USP32: variants seen among roughly 807,000 people sequenced by gnomAD.
USP32 encodes ubiquitin carboxyl-terminal hydrolase 32.
USP32 carries 59 observed loss-of-function variants against 204.8 expected under a neutral mutation model. The ratio of observed to expected loss-of-function variants is 0.29; its 90% CI spans 0.23 to 0.36. The LOEUF (loss-of-function observed/expected upper bound fraction) is 0.36. Ranked by LOEUF, USP32 falls within the 10% of genes least tolerant of loss-of-function variation. The pLI, the probability that USP32 is intolerant of heterozygous loss-of-function variation, is 1.00. For missense variants in USP32, 1,160 were observed against 1,946.4 expected (o/e 0.60, Z 7.60); for synonymous variants, 517 against 678.4 (o/e 0.76, Z 3.70).
In USP32 at chr17:60,236,144, G is replaced by T; in HGVS notation, c.1233C>A (p.Val411=). 1 of 1,613,218 alleles carries T rather than the reference G, an allele frequency of 6.2e-7. No individual in the cohort carries two copies. The highest frequency in any genetic ancestry group is 1.1e-5 in the South Asian group (1 of 91,016). ...AGACAGGAATCTAACTCACGTATTTGACATATTCTTTCCACTGTTGCCACC... is the reference window on the plus strand; with the variant it reads ...AGACAGGAATCTAACTCACGTATTTTACATATTCTTTCCACTGTTGCCACC... ...MQWWQQWKEY[V]KYDANPVVIE... Residue 411 remains valine, a synonymous_variant, in exon 12 of 34, where the codon GTC becomes GTA. Coordinates refer to ENST00000300896, the MANE Select transcript of USP32 (RefSeq NM_032582.4).
At chr17:60,296,494 G>C (rs2087433333) in intron 3 of USP32, among the ~76,000 whole-genome samples, 1 of 152,126 alleles carries the variant, frequency 6.6e-6, no homozygotes, top group Non-Finnish European at 1.5e-5. Context: ...AGAGAAGAAA[G>C]AATTTTCCCC....
At chr17:60,337,816 G>T (rs1200807182) in intron 2 of USP32, among the ~76,000 whole-genome samples, 2 of 152,104 alleles carry the variant, frequency 1.3e-5, no homozygotes, top group African/African-American at 4.8e-5. Context: ...GGGAGGTCGA[G>T]GCTACAATGA....
intron 1 of USP32, chr17:60,421,617 G>A (rs979737309): frequency 2.0e-6 from 2 of 978,434 alleles, no homozygotes; most frequent in Non-Finnish European, 2.4e-6. Context: ...TCTCGTCGCC[G>A]GGACCCCGCC....
chr17:60,270,047 GAGAA>G (rs1366334682), intron 6 of USP32, among the ~76,000 whole-genome samples: 1 of 152,102 alleles, frequency 6.6e-6, no homozygotes, highest in African/African-American at 2.4e-5. Flanking sequence ...TGCAACATAA[GAGAA>G]AGAAATTCTC....
chr17:60,343,478 G>C (rs2088709231), intron 2 of USP32, among the ~76,000 whole-genome samples: 1 of 152,158 alleles, frequency 6.6e-6, no homozygotes, highest in African/African-American at 2.4e-5. Flanking sequence ...AATCAAATTA[G>C]AACTCAGGAT....
intron 2 of USP32, among the ~76,000 whole-genome samples, chr17:60,302,744 C>T (rs1196258056): frequency 1.3e-5 from 2 of 152,044 alleles, no homozygotes; most frequent in Non-Finnish European, 2.9e-5. Context: ...ACGCACATTA[C>T]TTTGATTGGA....
At chr17:60,256,668 T>C (rs2086314862) in intron 9 of USP32, 2 of 1,082,548 alleles carry the variant, frequency 1.8e-6, no homozygotes, top group South Asian at 2.8e-5. Context: ...TGTCCCACTG[T>C]AGTGTGGTAT....
At chr17:60,208,257 GAA>G (rs776217851) in intron 23 of USP32, 47 bp from the exon 24 acceptor site, 4 of 1,540,886 alleles carry the variant, frequency 2.6e-6, no homozygotes, top group Non-Finnish European at 3.5e-6. Context: ...AGGTTTCATT[GAA>G]AGTCTTAAAT....
chr17:60,310,924 C>G (rs1260659146), intron 2 of USP32, among the ~76,000 whole-genome samples: 1 of 151,898 alleles, frequency 6.6e-6, no homozygotes, highest in African/African-American at 2.4e-5. Flanking sequence ...CATGTTCTCA[C>G]TCATATGTAG....
At chr17:60,274,478 G>A (rs1187137505) in intron 5 of USP32, among the ~76,000 whole-genome samples, 1 of 152,050 alleles carries the variant, frequency 6.6e-6, no homozygotes, top group Non-Finnish European at 1.5e-5. Context: ...ACCCTAACAA[G>A]GCAAGTCATA....
At position 60,185,863 on chromosome 17, in the gene USP32, A is replaced by C. The variant is rs2084237687; in HGVS notation, c.3643-212T>G. The C allele has an allele frequency of 1.8e-5, 9 of 487,006 alleles. No homozygotes were observed. In the South Asian group the frequency reaches 4.1e-4, roughly 22 times the overall value. 30.2% of individuals were successfully genotyped at this position (487,006 alleles called of 1,614,324 possible). ...AATTGCTTGAGTCCAGGAGTTCGAA[A>C]CCAGCCTGGTCAAAAGAGTGAGACC... On this transcript the variant is annotated intron_variant, in intron 29 of 33. Coordinates refer to ENST00000300896, the MANE Select transcript of USP32 (RefSeq NM_032582.4).
chr17:60,250,672 G>A (rs2086142568), intron 11 of USP32, among the ~76,000 whole-genome samples: 1 of 152,036 alleles, frequency 6.6e-6, no homozygotes, highest in Admixed American at 6.5e-5. Flanking sequence ...CATGAAAGTT[G>A]GGCACATTGG....
At chr17:60,360,013 G>A (rs756842736) in intron 1 of USP32, among the ~76,000 whole-genome samples, 5 of 151,734 alleles carry the variant, frequency 3.3e-5, no homozygotes, top group South Asian at 2.1e-4. Flanking sequence ...GACTACAGGC[G>A]CCCACCACCA....
intron 2 of USP32, among the ~76,000 whole-genome samples, chr17:60,324,198 G>A (rs1232392246): frequency 1.3e-5 from 2 of 151,746 alleles, no homozygotes; most frequent in Non-Finnish European, 2.9e-5. Context: ...GGGAAGATTG[G>A]TTGAACCCAG....
At chr17:60,295,612 T>C (rs1160859411) in intron 3 of USP32, among the ~76,000 whole-genome samples, 1 of 152,232 alleles carries the variant, frequency 6.6e-6, no homozygotes, top group African/African-American at 2.4e-5. Context: ...TGTATCCACA[T>C]GCTACTCGCC....
chr17:60,359,853 T>A (rs1009035365), intron 1 of USP32, among the ~76,000 whole-genome samples: 9 of 151,896 alleles, frequency 5.9e-5, no homozygotes, highest in Non-Finnish European at 1.5e-5. Flanking sequence ...AACATGACAA[T>A]GTTTGTAAGA....
intron 3 of USP32, 80 bp from the exon 4 acceptor site, chr17:60,294,881 G>A: frequency 2.4e-6 from 2 of 851,028 alleles, no homozygotes; most frequent in Non-Finnish European, 3.8e-6. Context: ...AAAAGACAAA[G>A]CTACAATAAC....
At chr17:60,384,422 A>G (rs2089694840) in intron 1 of USP32, among the ~76,000 whole-genome samples, 1 of 152,204 alleles carries the variant, frequency 6.6e-6, no homozygotes, top group Admixed American at 6.5e-5. Flanking sequence ...TCCAGTGTCT[A>G]GTACCCCAAC....
chr17:60,294,582 C>A, intron 4 of USP32, 101 bp downstream of exon 4: 2 of 631,372 alleles, frequency 3.2e-6, no homozygotes, highest in Non-Finnish European at 5.3e-6. Context: ...CAAGAGTAAT[C>A]TGCACATAAA....
Sources: allele counts gnomAD v4.1 joint callset (sites outside exome capture counted in the v4.1 genomes callset), GRCh38; gene constraint gnomAD v4.1.1; transcripts MANE v1.5; gene names NCBI Gene and HGNC (gene_info 2026-07-23, HGNC 2026-07-21).